Variants in TLL2 observed in about 807,000 individuals in gnomAD.
TLL2 encodes tolloid-like protein 2.
Under a neutral mutation model 123.0 loss-of-function variants are expected in TLL2, and 106 were observed. That is an observed-to-expected ratio of 0.86 (90% CI 0.74 to 1.01). The LOEUF (loss-of-function observed/expected upper bound fraction) is 1.01. Among genes scored for constraint, TLL2 ranks in the 50% least tolerant of loss-of-function variants. The pLI, the probability that TLL2 is intolerant of heterozygous loss-of-function variation, is 0.00. For synonymous variants in TLL2, 494 were observed against 516.8 expected (o/e 0.96, Z 0.60); for missense variants, 1,332 against 1,336.7 (o/e 1.00, Z 0.06).
chr10:96,383,781 C>T (rs11813743), intron 16 of TLL2, among the ~76,000 whole-genome samples: 222 of 115,332 alleles, frequency 1.9e-3, no homozygotes, highest in African/African-American at 7.2e-3. Flanking sequence ...CCACCACGCC[C>T]GGCTAATTTT....
chr10:96,435,005 C>T (rs1396069646), intron 3 of TLL2, among the ~76,000 whole-genome samples: 4 of 150,512 alleles, frequency 2.7e-5, no homozygotes, highest in African/African-American at 9.7e-5. Flanking sequence ...AATATCTATT[C>T]AAATTATTTA....
At chr10:96,513,442 G>A (rs371950934) in intron 1 of TLL2, 69 bp downstream of exon 1, 2 of 1,595,516 alleles carry the variant, frequency 1.3e-6, no homozygotes. Flanking sequence ...GGTAGTGCAG[G>A]CTTGCCCACC....
intron 17 of TLL2, among the ~76,000 whole-genome samples, 168 bp downstream of exon 17, chr10:96,378,799 C>T (rs1206444358): frequency 1.3e-5 from 2 of 152,208 alleles, no homozygotes; most frequent in African/African-American, 2.4e-5. Flanking sequence ...CCTGAAGGAG[C>T]GAGATGCCCT....
chr10:96,508,606 C>T (rs912792996), intron 1 of TLL2, among the ~76,000 whole-genome samples: 2 of 152,090 alleles, frequency 1.3e-5, no homozygotes, highest in African/African-American at 4.8e-5. Flanking sequence ...ATTTAATAAA[C>T]CCAAAATGCT....
chr10:96,445,461 G>A (rs1340610498), intron 3 of TLL2, among the ~76,000 whole-genome samples: 1 of 152,132 alleles, frequency 6.6e-6, no homozygotes, highest in Non-Finnish European at 1.5e-5. Flanking sequence ...GCAGGCTCCT[G>A]GCTACCTGCC....
intron 17 of TLL2, among the ~76,000 whole-genome samples, chr10:96,377,661 C>G (rs564676801): frequency 6.6e-6 from 1 of 152,156 alleles, no homozygotes; most frequent in Non-Finnish European, 1.5e-5. Flanking sequence ...ATCACAAACA[C>G]GGAGGCTCCA....
intron 1 of TLL2, among the ~76,000 whole-genome samples, chr10:96,490,136 A>G (rs1405389503): frequency 6.6e-6 from 1 of 152,166 alleles, no homozygotes; most frequent in African/African-American, 2.4e-5. Flanking sequence ...TTAAAATAAT[A>G]TAGCTAGGAA....
chr10:96,385,144 A>G (rs959654110), intron 15 of TLL2, among the ~76,000 whole-genome samples: 1 of 152,184 alleles, frequency 6.6e-6, no homozygotes, highest in Non-Finnish European at 1.5e-5. Flanking sequence ...GAGAAGCAAG[A>G]GGAAGAGGAG....
At chr10:96,405,737 G>T (rs1022045941) in intron 9 of TLL2, among the ~76,000 whole-genome samples, 1 of 152,156 alleles carries the variant, frequency 6.6e-6, no homozygotes, top group Non-Finnish European at 1.5e-5. Flanking sequence ...AGGGTCTGGG[G>T]TTAGCCCGAG....
chr10:96,421,663 C>CA (rs35084852), intron 6 of TLL2, among the ~76,000 whole-genome samples: 79 of 119,902 alleles, frequency 6.6e-4, no homozygotes, highest in Admixed American at 2.4e-3. Flanking sequence ...GACTCTGTCT[C>CA]AAAAAAAAAA....
chr10:96,462,622 C>T (rs778962074), intron 2 of TLL2, among the ~76,000 whole-genome samples: 7 of 152,084 alleles, frequency 4.6e-5, no homozygotes, highest in Non-Finnish European at 7.3e-5. Context: ...TTTCATCAAC[C>T]GATAGATACA....
intron 6 of TLL2, among the ~76,000 whole-genome samples, chr10:96,422,005 T>A (rs1846629075): frequency 6.6e-6 from 1 of 152,238 alleles, no homozygotes; most frequent in African/African-American, 2.4e-5. Flanking sequence ...CTACTTTTCA[T>A]GCTCAATATT....
chr10:96,413,107 G>T (rs1473985211), intron 8 of TLL2, 85 bp downstream of exon 8: 2 of 1,566,630 alleles, frequency 1.3e-6, no homozygotes, highest in African/African-American at 1.4e-5. Flanking sequence ...AGTCCCTTTA[G>T]GTCCCCCAAG....
chr10:96,441,198 A>T (rs1256979314), intron 3 of TLL2, among the ~76,000 whole-genome samples: 2 of 152,228 alleles, frequency 1.3e-5, no homozygotes, highest in African/African-American at 4.8e-5. Context: ...CCAGTGAGGA[A>T]GTGCAATTTT....
chr10:96,427,082 A>G (rs917514652), intron 5 of TLL2, among the ~76,000 whole-genome samples: 4 of 152,148 alleles, frequency 2.6e-5, no homozygotes, highest in African/African-American at 9.7e-5. Context: ...ACATTCTGCA[A>G]TTTTAATCTT....
chr10:96,404,708 A>G (rs905483172), intron 10 of TLL2, among the ~76,000 whole-genome samples: 1 of 152,100 alleles, frequency 6.6e-6, no homozygotes, highest in African/African-American at 2.4e-5. Flanking sequence ...TACATTTGCA[A>G]TGCCTGCATT....
At chr10:96,409,942 C>G (rs891522631) in intron 9 of TLL2, among the ~76,000 whole-genome samples, 4 of 152,158 alleles carry the variant, frequency 2.6e-5, no homozygotes, top group African/African-American at 9.7e-5. Context: ...GGGAAGTGGG[C>G]TGGGGTGTCA....
chr10:96,506,251 C>CAAA (rs1210970430), intron 1 of TLL2, among the ~76,000 whole-genome samples: 13,101 of 36,496 alleles, frequency 0.36, 3,302 homozygotes, highest in East Asian at 0.48. Flanking sequence ...GACCCCATCT[C>CAAA]AAAAAAAAAA....
chr10:96,436,238 C>G (rs1425540724), intron 3 of TLL2, among the ~76,000 whole-genome samples: 1 of 152,226 alleles, frequency 6.6e-6, no homozygotes, highest in Non-Finnish European at 1.5e-5. Context: ...TTTGCAAAAA[C>G]AGCAGGTTGG....
Sources: allele counts gnomAD v4.1 joint callset (sites outside exome capture counted in the v4.1 genomes callset), GRCh38; gene constraint gnomAD v4.1.1; transcripts MANE v1.5; gene names NCBI Gene and HGNC (gene_info 2026-07-23, HGNC 2026-07-21).